The following SIRPA variants were observed in gnomAD, a reference collection of about 807,000 sequenced individuals.
The protein encoded by SIRPA is tyrosine-protein phosphatase non-receptor type substrate 1.
Under a neutral mutation model 50.3 loss-of-function variants are expected in SIRPA, and 9 were observed. The ratio of observed to expected loss-of-function variants is 0.18; its 90% CI spans 0.11 to 0.31. The LOEUF is 0.31. Ranked by LOEUF, SIRPA falls within the 10% of genes least tolerant of loss-of-function variation. The pLI, the probability that SIRPA is intolerant of heterozygous loss-of-function variation, is 1.00. For missense variants in SIRPA, 474 were observed against 661.6 expected (o/e 0.72, Z 3.11); for synonymous variants, 265 against 284.1 (o/e 0.93, Z 0.68).
intron 2 of SIRPA, among the ~76,000 whole-genome samples, chr20:1,917,190 T>A (rs954158645): frequency 1.3e-5 from 2 of 152,184 alleles, no homozygotes; most frequent in African/African-American, 4.8e-5. Context: ...ATCCTCATCC[T>A]GGCACTTTCT....
intron 1 of SIRPA, among the ~76,000 whole-genome samples, chr20:1,905,830 A>G (rs1157905902): frequency 6.6e-6 from 1 of 152,204 alleles, no homozygotes; most frequent in African/African-American, 2.4e-5. Flanking sequence ...CATCACCTCC[A>G]GGTTTCATCT....
rs1434823632 is a variant in SIRPA at position 1,940,003 on chromosome 20, G to A, written c.*2435G>A. On this transcript the variant is annotated 3_prime_UTR_variant, in exon 8 of 8. Coordinates refer to ENST00000358771, the MANE Select transcript of SIRPA (RefSeq NM_001040023.2). Reference sequence around the variant, plus strand: ...GGAAGAGGATTGAATGGACCCCAGGGTTTGGAAACAACCTACAGCATTTGA... The same window carrying A: ...GGAAGAGGATTGAATGGACCCCAGGATTTGGAAACAACCTACAGCATTTGA... 1 of 152,330 alleles carries A rather than the reference G, an allele frequency of 6.6e-6. No individual in the cohort carries two copies. The highest frequency in any genetic ancestry group is 2.4e-5 in the African/African-American group (1 of 41,460). The allele number at this position is 152,330 out of a possible 1,614,324, so 9.4% of individuals were successfully genotyped here.
intron 1 of SIRPA, among the ~76,000 whole-genome samples, chr20:1,907,951 A>G (rs1305730459): frequency 6.6e-6 from 1 of 152,158 alleles, no homozygotes; most frequent in Non-Finnish European, 1.5e-5. Context: ...GCCTTCCTGC[A>G]TGGGGTCATG....
Position 1,915,498 on chromosome 20 carries a change from T to C in SIRPA, c.436+43T>C, listed in dbSNP as rs769931311. On this transcript the variant is annotated intron_variant, in intron 2 of 7. Coordinates refer to ENST00000358771, the MANE Select transcript of SIRPA (RefSeq NM_001040023.2). ...CTCCTTTGCCTCTGGTTTGTGACAG[T>C]AACTCAATAATAACACCCTCCATTC... 24 of 1,601,874 alleles carry C rather than the reference T, an allele frequency of 1.5e-5. No homozygotes were observed. The Admixed American group carries it at 4.0e-4, about 27-fold the overall frequency.
chr20:1,937,309 CTT>C lies in SIRPA; in HGVS notation c.1267-10_1267-9del. 5 of 1,608,288 alleles carry C rather than the reference CTT, an allele frequency of 3.1e-6. No individual in the cohort carries two copies. The highest frequency in any genetic ancestry group is 4.3e-6 in the Non-Finnish European group (5 of 1,175,588). On this transcript the variant is annotated splice_polypyrimidine_tract_variant and intron_variant, in intron 7 of 7. Coordinates refer to ENST00000358771, the MANE Select transcript of SIRPA (RefSeq NM_001040023.2). The surrounding 1 kb of genome is among the most constrained non-coding windows in gnomAD (Gnocchi z 8.3). ...TTCTCATGACTTTCTCTTTGGGTATCTTAAATCCAGGACACAAATGATATCAC... is the reference window on the plus strand; with the variant it reads ...TTCTCATGACTTTCTCTTTGGGTATCAAATCCAGGACACAAATGATATCAC...
rs1462037413 is a variant in SIRPA at position 1,937,988 on chromosome 20, CACCACCACCACCACCACCACCACT to C, written c.*433_*456del. 3.0e-5 allele frequency: 5 copies of C among 168,422 alleles called. No individual in the cohort carries two copies. The highest frequency in any genetic ancestry group is 5.9e-5 in the Admixed American group (1 of 16,988). 10.4% of individuals were successfully genotyped at this position (168,422 alleles called of 1,614,324 possible). On this transcript the variant is annotated 3_prime_UTR_variant, in exon 8 of 8. Transcript: ENST00000358771. This position sits in a 1 kb window ranked among gnomAD's most constrained non-coding sequence, Gnocchi z 8.3. Reference sequence around the variant, plus strand: ...CCCTGACCTCCACCACCTCCACCACCACCACCACCACCACCACCACCACTACCACCACCACCCAACTGGGGCTAG... The same window carrying C: ...CCCTGACCTCCACCACCTCCACCACCACCACCACCACCCAACTGGGGCTAG...
chr20:1,931,972 C>T (rs1321534412), intron 6 of SIRPA, among the ~76,000 whole-genome samples: 23 of 152,158 alleles, frequency 1.5e-4, no homozygotes, highest in Non-Finnish European at 8.8e-5. Flanking sequence ...TAACTCAGTG[C>T]CAAGCCTTGA....
upstream of SIRPA, chr20:1,894,196 C>A (rs1029508351): frequency 6.6e-6 from 1 of 152,278 alleles, no homozygotes; most frequent in Non-Finnish European, 1.5e-5. The surrounding 1 kb of genome is among the most constrained non-coding windows in gnomAD (Gnocchi z 4.0). Context: ...CAAGAGGGGC[C>A]TTCAGCTTTG....
At chr20:1,894,728 C>G (rs1250114277), upstream of SIRPA, 3 of 148,100 alleles carry the variant, frequency 2.0e-5, no homozygotes, top group Admixed American at 6.7e-5. This position sits in a 1 kb window ranked among gnomAD's most constrained non-coding sequence, Gnocchi z 4.0. Context: ...CCTCCCCGGC[C>G]GGGCGCGCAG....
intron 6 of SIRPA, among the ~76,000 whole-genome samples, chr20:1,930,841 C>T (rs1389048848): frequency 2.6e-5 from 4 of 152,326 alleles, no homozygotes; most frequent in South Asian, 2.1e-4. Flanking sequence ...CCACCTGCCT[C>T]GGCCTCCCAA....
chr20:1,926,234 GACGTCT>G (rs1280207399), intron 5 of SIRPA, among the ~76,000 whole-genome samples: 3 of 152,258 alleles, frequency 2.0e-5, no homozygotes, highest in African/African-American at 7.2e-5. Context: ...GTCCCACCAA[GACGTCT>G]ACCCAATGGG....
chr20:1,903,936 T>C (rs1013473565), intron 1 of SIRPA, among the ~76,000 whole-genome samples: 1 of 152,204 alleles, frequency 6.6e-6, no homozygotes, highest in Non-Finnish European at 1.5e-5. Context: ...AGAGATGGGC[T>C]ATGTCTCTTA....
intron 2 of SIRPA, 108 bp from the exon 3 acceptor site, chr20:1,921,287 T>C: frequency 2.5e-6 from 4 of 1,577,994 alleles, no homozygotes; most frequent in Non-Finnish European, 3.5e-6. Flanking sequence ...TCCACATTAT[T>C]GGAAGGATAA....
rs1216605348 is a variant in SIRPA at position 1,909,893 on chromosome 20, T to C, written c.80-5206T>C. 6.6e-5 allele frequency among the ~76,000 whole-genome samples: 10 copies of C among 152,336 alleles called. No homozygotes were observed. In the East Asian group the frequency reaches 1.7e-3, roughly 26 times the overall value. ...ACATTGTTTTTTAAGAAATCAAATATATTTTCTAAATCCCAGTGGTCAGTT... is the reference window on the plus strand; with the variant it reads ...ACATTGTTTTTTAAGAAATCAAATACATTTTCTAAATCCCAGTGGTCAGTT... On this transcript the variant is annotated intron_variant, in intron 1 of 7. Transcript: ENST00000358771.
chr20:1,918,228 C>T (rs979658355), intron 2 of SIRPA, among the ~76,000 whole-genome samples: 1 of 151,744 alleles, frequency 6.6e-6, no homozygotes, highest in Non-Finnish European at 1.5e-5. Flanking sequence ...GATGGAGTTT[C>T]ACTCTTGTTG....
At chr20:1,899,999 C>T (rs1302787568) in intron 1 of SIRPA, among the ~76,000 whole-genome samples, 3 of 151,950 alleles carry the variant, frequency 2.0e-5, no homozygotes, top group Non-Finnish European at 4.4e-5. Flanking sequence ...CATAAAACAT[C>T]TAACACAGTT....
intron 1 of SIRPA, among the ~76,000 whole-genome samples, chr20:1,901,239 C>T (rs1036432971): frequency 1.5e-5 from 2 of 137,910 alleles, no homozygotes; most frequent in Non-Finnish European, 3.0e-5. Context: ...GGTGCGACCT[C>T]GGCTCACTGC....
intron 1 of SIRPA, among the ~76,000 whole-genome samples, chr20:1,904,117 C>G (rs931084679): frequency 1.3e-5 from 2 of 151,926 alleles, no homozygotes; most frequent in African/African-American, 2.4e-5. Flanking sequence ...CTACCACAGT[C>G]CCCCCCCTGC....
intron 1 of SIRPA, among the ~76,000 whole-genome samples, chr20:1,897,378 G>A (rs59929871): frequency 0.049 from 7,442 of 152,306 alleles, 379 homozygotes; most frequent in South Asian, 0.29. Flanking sequence ...GATGAGGTGC[G>A]ACCATCATAG....
Sources: allele counts gnomAD v4.1 joint callset (sites outside exome capture counted in the v4.1 genomes callset), GRCh38; gene constraint gnomAD v4.1.1; non-coding constraint Gnocchi (gnomAD v3.1); transcripts MANE v1.5; gene names NCBI Gene and HGNC (gene_info 2026-07-23, HGNC 2026-07-21).